The following UBR3 variants were observed in gnomAD, a reference collection of about 807,000 sequenced individuals.
UBR3 encodes ubiquitin protein ligase E3 component n-recognin 3.
In UBR3, 85 loss-of-function variants were observed where a neutral mutation model predicts 243.2. The ratio of observed to expected loss-of-function variants is 0.35; its 90% CI spans 0.29 to 0.42. The LOEUF is 0.42. Ranked by LOEUF, UBR3 falls within the 10% of genes least tolerant of loss-of-function variation. UBR3 has a pLI of 1.00. For synonymous variants in UBR3, 748 were observed against 799.8 expected (o/e 0.94, Z 1.09); for missense variants, 1,686 against 2,300.8 (o/e 0.73, Z 5.47).
At chr2:169,873,217 C>T (rs1224102740) in intron 2 of UBR3, among the ~76,000 whole-genome samples, 1 of 152,058 alleles carries the variant, frequency 6.6e-6, no homozygotes, top group African/African-American at 2.4e-5. Flanking sequence ...CTATCTCCAT[C>T]CTTAAAGTGT....
At chr2:170,024,549 T>G (rs1282994179) in intron 30 of UBR3, among the ~76,000 whole-genome samples, 1 of 152,106 alleles carries the variant, frequency 6.6e-6, no homozygotes, top group Non-Finnish European at 1.5e-5. Flanking sequence ...CATGTGTGTG[T>G]GTGTGGTATT....
At chr2:169,967,776 T>G (rs1436373486) in intron 24 of UBR3, among the ~76,000 whole-genome samples, 2 of 152,166 alleles carry the variant, frequency 1.3e-5, no homozygotes, top group Non-Finnish European at 2.9e-5. Context: ...GATTTGTCCT[T>G]TTATTTTTAA....
Position 169,946,159 on chromosome 2 carries a change from A to C in UBR3, c.2806-129A>C, listed in dbSNP as rs150937054. On this transcript the variant is annotated intron_variant, in intron 20 of 38. Coordinates refer to ENST00000272793, the MANE Select transcript of UBR3 (RefSeq NM_172070.4). ...GTGGACTCTGACATACCTTTAGAAA[A>C]TTTGTGAACTGGTATTTCTAGATAT... 491 of 405,436 alleles carry C rather than the reference A, an allele frequency of 1.2e-3. 1 individual carries two copies. The highest frequency in any genetic ancestry group is 9.7e-3 in the African/African-American group (460 of 47,230). The allele number at this position is 405,436 out of a possible 1,614,324, so 25.1% of individuals were successfully genotyped here.
intron 11 of UBR3, among the ~76,000 whole-genome samples, chr2:169,921,312 C>G (rs2085687988): frequency 6.6e-6 from 1 of 152,104 alleles, no homozygotes; most frequent in Non-Finnish European, 1.5e-5. Flanking sequence ...ATTTGGAACT[C>G]ATCTGGGTAG....
intron 1 of UBR3, among the ~76,000 whole-genome samples, chr2:169,837,954 T>C (rs1445826990): frequency 6.6e-6 from 1 of 152,246 alleles, no homozygotes. Context: ...TGTATTGATA[T>C]GTCTCTTATA....
chr2:169,889,410 A>C (rs540198953), intron 5 of UBR3, among the ~76,000 whole-genome samples: 21 of 152,312 alleles, frequency 1.4e-4, no homozygotes, highest in African/African-American at 4.3e-4. Context: ...AGGACATAAC[A>C]TGTTTTTCCA....
chr2:170,050,887 T>G lies in UBR3; in HGVS notation c.4661-4573T>G, dbSNP rs73019567. On this transcript the variant is annotated intron_variant, in intron 32 of 38. Coordinates refer to ENST00000272793, the MANE Select transcript of UBR3 (RefSeq NM_172070.4). ...TTTAAATTGCCAGTTAATCATCCAT[T>G]GGTATCCATGGGAGATTGGTTCCAC... is the stretch of plus-strand genomic sequence containing the variant. 4.6e-3 allele frequency among the ~76,000 whole-genome samples: 699 copies of G among 152,322 alleles called. 1 individual carries two copies. The highest frequency in any genetic ancestry group is 0.015 in the African/African-American group (631 of 41,570).
intron 1 of UBR3, among the ~76,000 whole-genome samples, chr2:169,831,106 A>G (rs910926315): frequency 2.8e-5 from 2 of 70,358 alleles, no homozygotes; most frequent in African/African-American, 5.1e-5. Flanking sequence ...GAGTTGGTAC[A>G]TTATATATAT....
chr2:169,864,327 C>T (rs1412112618), intron 1 of UBR3, among the ~76,000 whole-genome samples: 2 of 152,170 alleles, frequency 1.3e-5, no homozygotes, highest in East Asian at 1.9e-4. Flanking sequence ...TTTCCTCCTT[C>T]CTCAGAAAGT....
rs539211574 is a variant in UBR3, at chr2:170,005,486, A to G, written c.4030-1504A>G. Among the ~76,000 whole-genome samples, 8 of 152,334 alleles carry G rather than the reference A, an allele frequency of 5.3e-5. No homozygotes were observed. The South Asian group carries it at 1.2e-3, about 24-fold the overall frequency. On this transcript the variant is annotated intron_variant, in intron 27 of 38. Transcript: ENST00000272793. ...AGGACACATAGAGGGCGAGTGGGAA[A>G]TGTTGCCATGAGTTTTTGAAGTGGT...
At chr2:169,847,529 A>T (rs1169871695) in intron 1 of UBR3, among the ~76,000 whole-genome samples, 1 of 152,150 alleles carries the variant, frequency 6.6e-6, no homozygotes. Flanking sequence ...ACTTTTATAT[A>T]TTTAATAAAC....
rs574252260 is a variant in UBR3 at position 169,958,933 on chromosome 2, C to G, written c.3634+407C>G. On this transcript the variant is annotated intron_variant, in intron 24 of 38. Transcript: ENST00000272793. ...TCATTATTTCTTAAAATCAGGTGAA[C>G]TTCTCATTTCCATTAAGATTAGCAT... Among the ~76,000 whole-genome samples, 8 of 152,262 alleles carry G rather than the reference C, an allele frequency of 5.3e-5. No individual in the cohort carries two copies. The South Asian group carries it at 1.2e-3, about 24-fold the overall frequency.
At chr2:169,992,126 T>C (rs1212378200) in intron 25 of UBR3, among the ~76,000 whole-genome samples, 1 of 152,226 alleles carries the variant, frequency 6.6e-6, no homozygotes, top group African/African-American at 2.4e-5. Context: ...AGGAGAATAC[T>C]ATGACCAATT....
At position 170,081,931 on chromosome 2, in the gene UBR3, C is replaced by A; in HGVS notation, c.*88C>A. The A allele has an allele frequency of 5.3e-6, 5 of 949,590 alleles. No individual in the cohort carries two copies. Among genetic ancestry groups the A allele is most frequent in the Non-Finnish European group, 6.0e-6 (4 of 669,080 alleles). The allele number at this position is 949,590 out of a possible 1,614,324, so 58.8% of individuals were successfully genotyped here. The stretch of plus-strand genomic sequence containing the variant: ...GCTTTAACTTAATTTGGGGGATTAA[C>A]ACTTTTGCTGAGGGAGAAAAAGAAA... On this transcript the variant is annotated 3_prime_UTR_variant, in exon 39 of 39. Coordinates refer to ENST00000272793, the MANE Select transcript of UBR3 (RefSeq NM_172070.4).
chr2:169,849,434 A>C (rs981629810), intron 1 of UBR3, among the ~76,000 whole-genome samples: 1 of 152,158 alleles, frequency 6.6e-6, no homozygotes, highest in African/African-American at 2.4e-5. Context: ...TTTAATATTT[A>C]ACTTTTCCTC....
chr2:169,969,193 G>A (rs1255508274), intron 24 of UBR3, among the ~76,000 whole-genome samples: 1 of 152,216 alleles, frequency 6.6e-6, no homozygotes, highest in South Asian at 2.1e-4. Context: ...CTTTCTAGCT[G>A]ATATAACCCC....
intron 6 of UBR3, among the ~76,000 whole-genome samples, chr2:169,892,791 T>C (rs1474317261): frequency 7.2e-5 from 11 of 152,162 alleles, no homozygotes; most frequent in African/African-American, 2.7e-4. Context: ...GGCCAGACAC[T>C]ATGCTAACCT....
At chr2:169,845,522 GTCGTCGTCGTCT>G (rs748380120) in intron 1 of UBR3, among the ~76,000 whole-genome samples, 4,064 of 128,520 alleles carry the variant, frequency 0.032, 83 homozygotes, top group Non-Finnish European at 0.049. Flanking sequence ...CGTCGTCGTC[GTCGTCGTCGTCT>G]TCTTCTTCTT....
chr2:169,827,891 C>A lies in UBR3; in HGVS notation c.384C>A (p.Phe128Leu). 1.3e-6 allele frequency: 2 copies of A among 1,518,852 alleles called. No individual in the cohort carries two copies. Among genetic ancestry groups the A allele is most frequent in the Non-Finnish European group, 1.8e-6 (2 of 1,136,814 alleles). 94.1% of individuals were successfully genotyped at this position (1,518,852 alleles called of 1,614,324 possible). The stretch of plus-strand genomic sequence containing the variant: ...GCGGCCTGGTCTGGACAGCCAACTT[C>A]GTGGCCTACCGCTGCCGGACGTGCG... The part of the protein sequence containing the change: ...ALCGLVWTAN[F>L]VAYRCRTCGI... Residue 128 changes from phenylalanine to leucine, a missense_variant, in exon 1 of 39, where the codon TTC becomes TTA. This residue lies in a region of UBR3 where 145 missense variants were observed against 243.8 expected (regional missense o/e 0.59). Transcript: ENST00000272793.
Sources: allele counts gnomAD v4.1 joint callset (sites outside exome capture counted in the v4.1 genomes callset), GRCh38; gene constraint gnomAD v4.1.1; regional missense constraint gnomAD v4.1.1; transcripts MANE v1.5; gene names NCBI Gene and HGNC (gene_info 2026-07-23, HGNC 2026-07-21).